Variants in BABAM2 observed in about 807,000 individuals in gnomAD.
The protein encoded by BABAM2 is BRISC and BRCA1 A complex member 2.
Under a neutral mutation model 54.7 loss-of-function variants are expected in BABAM2, and 31 were observed. The observed-to-expected ratio is 0.57, with a 90% CI of 0.43 to 0.77. The LOEUF (loss-of-function observed/expected upper bound fraction) is 0.77, where lower values mean the gene tolerates loss of function less well. BABAM2 is among the 30% of genes least tolerant of loss of function. The pLI is 0.00. For synonymous variants in BABAM2, 167 were observed against 162.9 expected (o/e 1.03, Z -0.19); for missense variants, 364 against 455.8 (o/e 0.80, Z 1.83).
At chr2:28,310,389 C>T (rs1688967857) in intron 11 of BABAM2, 3 of 453,068 alleles carry the variant, frequency 6.6e-6, no homozygotes, top group African/African-American at 5.8e-5. Flanking sequence ...TTCTGCAGGT[C>T]CCCTCAGGCC....
At chr2:28,120,884 A>C (rs897806569) in intron 6 of BABAM2, among the ~76,000 whole-genome samples, 1 of 152,228 alleles carries the variant, frequency 6.6e-6, no homozygotes, top group Non-Finnish European at 1.5e-5. Context: ...AATTAAGAAA[A>C]GAAGGAGAGA....
chr2:28,020,049 CA>C (rs1275097145), intron 4 of BABAM2, among the ~76,000 whole-genome samples: 1 of 152,182 alleles, frequency 6.6e-6, no homozygotes, highest in Non-Finnish European at 1.5e-5. Context: ...TACACTTTAG[CA>C]TGTTGCATTA....
At chr2:28,282,893 G>T (rs1294819036) in intron 10 of BABAM2, among the ~76,000 whole-genome samples, 1 of 151,046 alleles carries the variant, frequency 6.6e-6, no homozygotes. Context: ...CAGCTACTCG[G>T]GAGGCTGAGG....
intron 6 of BABAM2, among the ~76,000 whole-genome samples, 174 bp from the exon 7 acceptor site, chr2:28,129,097 C>G (rs1573639516): frequency 6.6e-6 from 1 of 152,196 alleles, no homozygotes; most frequent in African/African-American, 2.4e-5. Context: ...AGTTTAAAAT[C>G]CATCCCTCTA....
rs1019851069 is a variant in BABAM2 at position 28,260,175 on chromosome 2, C to T, written c.934+15313C>T. 9.9e-5 allele frequency among the ~76,000 whole-genome samples: 15 copies of T among 152,088 alleles called. No homozygotes were observed. The South Asian group carries it at 1.0e-3, about 11-fold the overall frequency. ...CCTCCCAAAGTGCTGAGATTACAGGCGTGAGCCACCACACCCAGCCTTCTG... is the reference window on the plus strand; with the variant it reads ...CCTCCCAAAGTGCTGAGATTACAGGTGTGAGCCACCACACCCAGCCTTCTG... On this transcript the variant is annotated intron_variant, in intron 10 of 11. Transcript: ENST00000379624.
chr2:28,133,767 T>C (rs1401356442), intron 7 of BABAM2, among the ~76,000 whole-genome samples: 1 of 152,208 alleles, frequency 6.6e-6, no homozygotes, highest in Non-Finnish European at 1.5e-5. Context: ...GAAAAAATAT[T>C]GATTTGTTGT....
intron 6 of BABAM2, among the ~76,000 whole-genome samples, chr2:28,089,426 C>T (rs1162984312): frequency 2.6e-5 from 4 of 152,254 alleles, no homozygotes; most frequent in Non-Finnish European, 5.9e-5. Context: ...GGGCAGTTTG[C>T]TAAGTGATTT....
chr2:28,043,718 A>G (rs1463895825), intron 5 of BABAM2, among the ~76,000 whole-genome samples: 5 of 152,200 alleles, frequency 3.3e-5, no homozygotes, highest in Non-Finnish European at 5.9e-5. Flanking sequence ...GGAGCTCAGC[A>G]TAATACCAAA....
chr2:28,247,706 C>G (rs944764910), intron 10 of BABAM2, among the ~76,000 whole-genome samples: 1 of 152,150 alleles, frequency 6.6e-6, no homozygotes, highest in Non-Finnish European at 1.5e-5. Context: ...CCCCTTCCTC[C>G]CTATTCTCCT....
intron 7 of BABAM2, among the ~76,000 whole-genome samples, chr2:28,181,571 A>T (rs1474649536): frequency 3.3e-5 from 5 of 152,206 alleles, no homozygotes; most frequent in African/African-American, 1.2e-4. Context: ...AAAATGTCCC[A>T]GTACATAGAA....
rs115172844 is a variant in BABAM2 at position 28,042,139 on chromosome 2, G to A, written c.496-3586G>A. Among the ~76,000 whole-genome samples the A allele has an allele frequency of 6.0e-3, 906 of 152,256 alleles. 5 individuals are homozygous for A. Among genetic ancestry groups the A allele is most frequent in the Admixed American group, 0.011 (166 of 15,290 alleles). ...AAATGACTCTAGGTTTTTGGCCTGCGTGACTGAAAGAATGGAATTGCCATT... is the reference window on the plus strand; with the variant it reads ...AAATGACTCTAGGTTTTTGGCCTGCATGACTGAAAGAATGGAATTGCCATT... On this transcript the variant is annotated intron_variant, in intron 5 of 11. Transcript: ENST00000379624.
intron 2 of BABAM2, among the ~76,000 whole-genome samples, chr2:27,916,432 T>C (rs1216788225): frequency 6.6e-6 from 1 of 152,246 alleles, no homozygotes; most frequent in Non-Finnish European, 1.5e-5. Flanking sequence ...TTTACTAATA[T>C]GAGTAATAAT....
chr2:28,070,243 G>C (rs1663996564), intron 6 of BABAM2, among the ~76,000 whole-genome samples: 1 of 152,050 alleles, frequency 6.6e-6, no homozygotes, highest in African/African-American at 2.4e-5. Flanking sequence ...CTTTTAATTT[G>C]CACAACAGCT....
intron 6 of BABAM2, among the ~76,000 whole-genome samples, chr2:28,124,435 T>A (rs1463325408): frequency 6.6e-6 from 1 of 152,180 alleles, no homozygotes; most frequent in Non-Finnish European, 1.5e-5. Flanking sequence ...CAAGAAGTGA[T>A]CAGTAAGCTC....
intron 10 of BABAM2, among the ~76,000 whole-genome samples, chr2:28,264,268 C>A (rs75031836): frequency 0.011 from 1,620 of 152,144 alleles, 10 homozygotes; most frequent in Non-Finnish European, 0.016. Flanking sequence ...ATACTGGATA[C>A]TAAAGATATA....
chr2:27,971,694 GT>G (rs994032875), intron 3 of BABAM2, among the ~76,000 whole-genome samples: 238 of 143,928 alleles, frequency 1.7e-3, no homozygotes, highest in African/African-American at 5.4e-3. Context: ...TTTCCCATGT[GT>G]TTTTTTTTTT....
intron 7 of BABAM2, among the ~76,000 whole-genome samples, chr2:28,204,345 T>A (rs183836381): frequency 2.6e-5 from 4 of 152,306 alleles, no homozygotes; most frequent in Non-Finnish European, 1.5e-5. Context: ...GAAAATGTGA[T>A]GTTTAGGCCA....
chr2:28,289,831 CAGAAAGGAAAGG>C (rs369476323), intron 10 of BABAM2, among the ~76,000 whole-genome samples: 53 of 151,906 alleles, frequency 3.5e-4, no homozygotes, highest in African/African-American at 1.1e-3. Context: ...AAAGGAATAG[CAGAAAGGAAAGG>C]AGAAAGGAAA....
intron 4 of BABAM2, among the ~76,000 whole-genome samples, chr2:28,021,284 T>G (rs1334650991): frequency 2.6e-5 from 4 of 152,090 alleles, no homozygotes; most frequent in Non-Finnish European, 5.9e-5. Context: ...AAGCAGTGTT[T>G]GGAGCTTCAA....
Sources: allele counts gnomAD v4.1 joint callset (sites outside exome capture counted in the v4.1 genomes callset), GRCh38; gene constraint gnomAD v4.1.1; transcripts MANE v1.5; gene names NCBI Gene and HGNC (gene_info 2026-07-23, HGNC 2026-07-21).